The following CFH variants were observed in gnomAD, a reference collection of about 807,000 sequenced individuals.
CFH encodes the protein H factor 1 (complement).
A neutral mutation model predicts 147.3 loss-of-function variants in CFH; 53 were observed. The observed-to-expected ratio is 0.36, with a 90% CI of 0.29 to 0.45. CFH has a LOEUF of 0.45. CFH is among the 20% of genes least tolerant of loss of function. The pLI is 1.00. For synonymous variants in CFH, 536 were observed against 489.4 expected, an observed-to-expected ratio of 1.10 and a Z score of -1.26; for missense variants, 1,380 against 1,498.0, an observed-to-expected ratio of 0.92 and a Z score of 1.30.
At chr1:196,720,952 C>T (rs1272482444) in intron 11 of CFH, among the ~76,000 whole-genome samples, 2 of 151,868 alleles carry the variant, frequency 1.3e-5, no homozygotes, top group African/African-American at 2.4e-5. Context: ...TTTCTCCTCA[C>T]TGTCACCAAC....
chr1:196,744,418 C>T (rs941618626), intron 20 of CFH, among the ~76,000 whole-genome samples: 2 of 151,978 alleles, frequency 1.3e-5, no homozygotes, highest in Non-Finnish European at 2.9e-5. Flanking sequence ...TCCTCCATTC[C>T]CTGTAGGGAA....
chr1:196,701,177 G>T lies in CFH; in HGVS notation c.1336+10938G>T. On this transcript the variant is annotated intron_variant, in intron 9 of 21. Coordinates refer to ENST00000367429, the MANE Select transcript of CFH (RefSeq NM_000186.4). The stretch of plus-strand genomic sequence containing the variant: ...TATGTTTGTGGAGGGGATCCCTGAA[G>T]AAATTACTAGTGGAAGAAATTACTA... The T allele has an allele frequency of 2.7e-6, 3 of 1,120,674 alleles. No individual in the cohort carries two copies. The South Asian group carries it at 3.8e-5, about 14-fold the overall frequency. The allele number at this position is 1,120,674 out of a possible 1,614,324, so 69.4% of individuals were successfully genotyped here.
chr1:196,734,304 G>T (rs1001247798), intron 15 of CFH, among the ~76,000 whole-genome samples: 5 of 152,042 alleles, frequency 3.3e-5, no homozygotes, highest in African/African-American at 1.2e-4. Flanking sequence ...TTTATGAATA[G>T]ATGTTTTTTT....
chr1:196,696,684 C>G (rs775112693), intron 9 of CFH, among the ~76,000 whole-genome samples: 6 of 152,178 alleles, frequency 3.9e-5, no homozygotes, highest in African/African-American at 7.2e-5. Context: ...CAAGAAAGAG[C>G]CCGCATTGCC....
Position 196,689,423 on chromosome 1 carries a change from A to G in CFH, c.968A>G (p.Lys323Arg). The G allele has an allele frequency of 6.2e-7, 1 of 1,612,326 alleles. No homozygotes were observed. The highest frequency in any genetic ancestry group is 8.5e-7 in the Non-Finnish European group (1 of 1,179,174). Residue 323 changes from lysine (K) to arginine (R), a missense_variant, in exon 8 of 22, where the codon AAA becomes AGA. Lys to Arg is a conservative substitution (Grantham distance 26). Coordinates refer to ENST00000367429, the MANE Select transcript of CFH (RefSeq NM_000186.4). ...GWIPAPRCTL[K>R]PCDYPDIKHG... Reference sequence around the variant, plus strand: ...TTTTTAAAATTTTTATTGCAAGTGAAACCTTGTGATTATCCAGACATTAAA... The same window carrying G: ...TTTTTAAAATTTTTATTGCAAGTGAGACCTTGTGATTATCCAGACATTAAA...
intron 19 of CFH, 54 bp downstream of exon 19, chr1:196,742,105 T>C: frequency 6.4e-7 from 1 of 1,555,356 alleles, no homozygotes; most frequent in Non-Finnish European, 8.8e-7. Context: ...CCCAGCCCAG[T>C]GGCTGGCGCC....
chr1:196,659,714 T>C (rs1315246026), intron 1 of CFH, among the ~76,000 whole-genome samples: 1 of 152,152 alleles, frequency 6.6e-6, no homozygotes, highest in Non-Finnish European at 1.5e-5. Flanking sequence ...TGGTAAACTG[T>C]CATAGCACAC....
chr1:196,675,030 T>C (rs1158086545), intron 3 of CFH, among the ~76,000 whole-genome samples: 1 of 152,174 alleles, frequency 6.6e-6, no homozygotes, highest in African/African-American at 2.4e-5. Context: ...TTACTGCTGA[T>C]CTTATCACAC....
chr1:196,734,299 G>A (rs905621038), intron 15 of CFH, among the ~76,000 whole-genome samples: 3 of 152,056 alleles, frequency 2.0e-5, no homozygotes, highest in Non-Finnish European at 4.4e-5. Flanking sequence ...GTTCATTTAT[G>A]AATAGATGTT....
chr1:196,664,444 A>C (rs1052639690), intron 1 of CFH, among the ~76,000 whole-genome samples: 1 of 152,202 alleles, frequency 6.6e-6, no homozygotes, highest in African/African-American at 2.4e-5. Context: ...TTTTTGTGAA[A>C]TAGCCAGACA....
intron 10 of CFH, 63 bp from the exon 11 acceptor site, chr1:196,715,530 G>T: frequency 7.7e-7 from 1 of 1,301,080 alleles, no homozygotes; most frequent in Non-Finnish European, 1.1e-6. Flanking sequence ...CTTAGAATGG[G>T]AAATACTCAG....
At chr1:196,737,047 G>C (rs1267476131) in intron 16 of CFH, 41 bp downstream of exon 16, 1 of 1,520,754 alleles carries the variant, frequency 6.6e-7, no homozygotes, top group South Asian at 1.1e-5. Context: ...TCTTTCAAAT[G>C]AGGTTAATAT....
Position 196,743,449 on chromosome 1 carries a change from C to G in CFH, c.3134-3C>G. 1.2e-6 allele frequency: 2 copies of G among 1,613,574 alleles called. No homozygotes were observed. Among genetic ancestry groups the G allele is most frequent in the East Asian group, 2.2e-5 (1 of 44,818 alleles). On this transcript the variant is annotated splice_polypyrimidine_tract_variant and splice_region_variant and intron_variant, in intron 19 of 21. Transcript: ENST00000367429. The stretch of plus-strand genomic sequence containing the variant: ...TGGAACCACTTCTTTTTTTTCTATT[C>G]AGACACCTCCTGTGTGAATCCGCCC...
rs894879313 is a variant in CFH, at chr1:196,695,617, A to G, written c.1336+5378A>G. Among the ~76,000 whole-genome samples the G allele has an allele frequency of 1.4e-4, 22 of 152,192 alleles. 1 individual carries two copies. The highest frequency in any genetic ancestry group is 1.2e-3 in the South Asian group (6 of 4,828). On this transcript the variant is annotated intron_variant, in intron 9 of 21. Transcript: ENST00000367429. ...TGGGCAATATGGCCATTTTCATGATATTGATTCTTCCTATCCATGAGGATG... is the reference window on the plus strand; with the variant it reads ...TGGGCAATATGGCCATTTTCATGATGTTGATTCTTCCTATCCATGAGGATG...
At chr1:196,738,828 G>A (rs1275397494) in intron 17 of CFH, among the ~76,000 whole-genome samples, 1 of 152,198 alleles carries the variant, frequency 6.6e-6, no homozygotes, top group South Asian at 2.1e-4. Context: ...GGGACTCTAT[G>A]TGAGGGCTCT....
chr1:196,746,612 C>A (rs1653013352), intron 21 of CFH, among the ~76,000 whole-genome samples: 1 of 152,126 alleles, frequency 6.6e-6, no homozygotes, highest in South Asian at 2.1e-4. Flanking sequence ...TTCTTCATCA[C>A]CTATGCTTAG....
chr1:196,669,512 C>T (rs1558152708), intron 1 of CFH, among the ~76,000 whole-genome samples: 1 of 152,292 alleles, frequency 6.6e-6, no homozygotes, highest in East Asian at 1.9e-4. Flanking sequence ...CTAGCTGCAC[C>T]AGCTGCAGCC....
At chr1:196,712,319 A>T (rs1668740440) in intron 9 of CFH, among the ~76,000 whole-genome samples, 1 of 151,700 alleles carries the variant, frequency 6.6e-6, no homozygotes, top group Admixed American at 6.6e-5. Flanking sequence ...TTGTTTCAAA[A>T]TTTATACTCA....
At chr1:196,652,225 C>G (rs1340438975) in intron 1 of CFH, 50 bp downstream of exon 1, 3 of 1,372,692 alleles carry the variant, frequency 2.2e-6, no homozygotes, top group Non-Finnish European at 3.1e-6. Context: ...GAAACATTTG[C>G]TAATGATGCT....
Sources: allele counts gnomAD v4.1 joint callset (sites outside exome capture counted in the v4.1 genomes callset), GRCh38; gene constraint gnomAD v4.1.1; transcripts MANE v1.5; gene names NCBI Gene and HGNC (gene_info 2026-07-23, HGNC 2026-07-21).